PFKP: variants seen among roughly 807,000 people sequenced by gnomAD.
The protein encoded by PFKP is ATP-dependent 6-phosphofructokinase, platelet type.
A neutral mutation model predicts 94.3 loss-of-function variants in PFKP; 101 were observed. The observed-to-expected ratio is 1.07, with a 90% CI of 0.91 to 1.26. PFKP has a LOEUF of 1.26. PFKP is among the 50% of genes most tolerant of loss of function. The pLI is 0.00. For missense variants in PFKP, 1,145 were observed against 1,103.3 expected (o/e 1.04, Z -0.53); for synonymous variants, 573 against 432.6 (o/e 1.32, Z -4.03).
chr10:3,136,392 G>A lies in PFKP; in HGVS notation c.2226-58G>A, dbSNP rs187888588. On this transcript the variant is annotated intron_variant, in intron 21 of 21. Transcript: ENST00000381125. ...AGACCGCTCGCTGTGCTGGCCAGGC[G>A]GAGGCATCTCCCGCCAGTGACTGCA... 1,124 of 1,590,952 alleles carry A rather than the reference G, an allele frequency of 7.1e-4. 1 individual carries two copies. The highest frequency in any genetic ancestry group is 5.9e-4 in the Non-Finnish European group (689 of 1,161,480).
intron 13 of PFKP, 129 bp from the exon 14 acceptor site, chr10:3,116,647 T>A: frequency 1.4e-6 from 1 of 724,062 alleles, no homozygotes; most frequent in East Asian, 2.5e-5. Context: ...TGATAAATGC[T>A]GTCTCATACG....
At chr10:3,123,025 C>T (rs1224539423) in intron 16 of PFKP, among the ~76,000 whole-genome samples, 4 of 152,308 alleles carry the variant, frequency 2.6e-5, no homozygotes, top group South Asian at 4.1e-4. Context: ...TCTCTGGACA[C>T]GTGCGTCCTC....
chr10:3,079,163 A>G (rs1428948979), intron 1 of PFKP, among the ~76,000 whole-genome samples: 1 of 151,986 alleles, frequency 6.6e-6, no homozygotes, highest in Admixed American at 6.6e-5. Flanking sequence ...CAGGGACTTC[A>G]GCGATTGAGT....
chr10:3,068,581 G>C (rs1831917666), intron 1 of PFKP: 2 of 744,646 alleles, frequency 2.7e-6, no homozygotes, highest in South Asian at 1.2e-4. Flanking sequence ...TGCTCTCTAG[G>C]AGGGGCCCGA....
chr10:3,115,278 C>G (rs2131614553), intron 13 of PFKP, among the ~76,000 whole-genome samples: 1 of 151,566 alleles, frequency 6.6e-6, no homozygotes, highest in Non-Finnish European at 1.5e-5. Context: ...AGTGTGTGTC[C>G]CACGGCGGAG....
chr10:3,127,756 C>A (rs1265538123), intron 16 of PFKP, among the ~76,000 whole-genome samples: 1 of 152,314 alleles, frequency 6.6e-6, no homozygotes, highest in East Asian at 1.9e-4. Context: ...CTGTTTCTCT[C>A]CCCATCTCGG....
intron 17 of PFKP, among the ~76,000 whole-genome samples, chr10:3,132,038 G>T (rs558077933): frequency 3.3e-5 from 5 of 152,224 alleles, no homozygotes; most frequent in African/African-American, 1.2e-4. Context: ...TGAGAGCACC[G>T]AGAACATCGT....
intron 9 of PFKP, among the ~76,000 whole-genome samples, 154 bp downstream of exon 9, chr10:3,108,947 G>A (rs1307495442): frequency 2.6e-5 from 4 of 152,140 alleles, no homozygotes; most frequent in Non-Finnish European, 5.9e-5. Flanking sequence ...GAGACCTTTG[G>A]TGTAGACCAG....
At chr10:3,129,755 G>C in intron 16 of PFKP, 64 bp from the exon 17 acceptor site, 1 of 1,571,048 alleles carries the variant, frequency 6.4e-7, no homozygotes, top group Non-Finnish European at 8.7e-7. Flanking sequence ...TCTTGGGGGA[G>C]CTCTGGGATG....
intron 16 of PFKP, among the ~76,000 whole-genome samples, chr10:3,124,640 C>T (rs942052501): frequency 6.6e-6 from 1 of 152,212 alleles, no homozygotes; most frequent in East Asian, 1.9e-4. Context: ...ACGATGAAGG[C>T]GGGCATTTGG....
intron 1 of PFKP, among the ~76,000 whole-genome samples, chr10:3,074,183 C>T (rs1832408454): frequency 6.6e-6 from 1 of 152,194 alleles, no homozygotes; most frequent in Non-Finnish European, 1.5e-5. Flanking sequence ...TAACAGACTG[C>T]CTTGGGTGAG....
chr10:3,132,308 C>G (rs1838684539), intron 17 of PFKP, 72 bp from the exon 18 acceptor site: 2 of 1,072,500 alleles, frequency 1.9e-6, no homozygotes, highest in South Asian at 2.6e-5. Flanking sequence ...CACTTCCCAG[C>G]CTGCAGTGCC....
intron 2 of PFKP, among the ~76,000 whole-genome samples, chr10:3,098,937 T>A (rs1290312299): frequency 6.6e-6 from 1 of 152,198 alleles, no homozygotes; most frequent in African/African-American, 2.4e-5. Context: ...TGCTGAAGTA[T>A]GATAAACACG....
chr10:3,073,185 T>C (rs1308152931), intron 1 of PFKP, among the ~76,000 whole-genome samples: 1 of 151,924 alleles, frequency 6.6e-6, no homozygotes, highest in Non-Finnish European at 1.5e-5. Flanking sequence ...TCCTGCTGTC[T>C]GGGTCAGCAG....
At chr10:3,108,929 C>T (rs1564314283) in intron 9 of PFKP, 136 bp downstream of exon 9, 5 of 687,764 alleles carry the variant, frequency 7.3e-6, no homozygotes, top group Admixed American at 2.3e-5. Context: ...CTCATCTTAA[C>T]GATCCTTGAG....
intron 16 of PFKP, among the ~76,000 whole-genome samples, chr10:3,125,464 C>T (rs967767812): frequency 6.6e-6 from 1 of 152,144 alleles, no homozygotes; most frequent in African/African-American, 2.4e-5. Context: ...ATGATATATC[C>T]AGTCCTTGGG....
intron 2 of PFKP, among the ~76,000 whole-genome samples, chr10:3,098,893 C>T (rs1381952169): frequency 2.0e-5 from 3 of 152,146 alleles, no homozygotes; most frequent in Non-Finnish European, 4.4e-5. Context: ...CATGTATGTC[C>T]CGTGCTCGAC....
At position 3,102,228 on chromosome 10, in the gene PFKP, G is replaced by T. The variant is rs527542267; in HGVS notation, c.454+674G>T. Among the ~76,000 whole-genome samples, 545 of 117,086 alleles carry T rather than the reference G, an allele frequency of 4.7e-3. 11 individuals carry two copies. Among genetic ancestry groups the T allele is most frequent in the African/African-American group, 0.017 (526 of 31,000 alleles). 76.8% of individuals were successfully genotyped at this position (117,086 alleles called of 152,430 possible). A position where few individuals can be genotyped will look rare whatever the true frequency, so the allele number is the denominator to read the frequency against. On this transcript the variant is annotated intron_variant, in intron 4 of 21. Coordinates refer to ENST00000381125, the MANE Select transcript of PFKP (RefSeq NM_002627.5). ...GTCCCGCCACTGCACTCCAGCCTGG[G>T]CGACAGAGCGAGACTCTGTCTCAAA...
intron 16 of PFKP, among the ~76,000 whole-genome samples, chr10:3,125,711 C>T (rs550057590): frequency 4.8e-4 from 73 of 152,354 alleles, no homozygotes; most frequent in African/African-American, 1.6e-3. Context: ...CGAAATCACG[C>T]CCTCCTGGGC....
Sources: allele counts gnomAD v4.1 joint callset (sites outside exome capture counted in the v4.1 genomes callset), GRCh38; gene constraint gnomAD v4.1.1; transcripts MANE v1.5; gene names NCBI Gene and HGNC (gene_info 2026-07-23, HGNC 2026-07-21).